Variants in KANK2 observed in about 807,000 individuals in gnomAD.
The protein encoded by KANK2 is KN motif and ankyrin repeat domain-containing protein 2.
A neutral mutation model predicts 74.6 loss-of-function variants in KANK2; 41 were observed. The observed-to-expected ratio is 0.55, with a 90% CI of 0.43 to 0.71. The LOEUF is 0.71. KANK2 is among the 30% of genes least tolerant of loss of function. KANK2 has a pLI of 0.00. For synonymous variants in KANK2, 537 were observed against 519.0 expected (o/e 1.03, Z -0.47); for missense variants, 1,148 against 1,196.4 (o/e 0.96, Z 0.60).
intron 4 of KANK2, among the ~76,000 whole-genome samples, chr19:11,189,127 T>C (rs958705996): frequency 2.8e-5 from 3 of 106,960 alleles, no homozygotes; most frequent in Admixed American, 1.5e-4. Context: ...ACAAGATTGG[T>C]CTTGCTCAGG....
At chr19:11,167,754 C>T (rs967448873) in intron 12 of KANK2, among the ~76,000 whole-genome samples, 4 of 151,972 alleles carry the variant, frequency 2.6e-5, no homozygotes, top group Non-Finnish European at 5.9e-5. Flanking sequence ...TCTCGAACTC[C>T]TGACCTCAGG....
intron 1 of KANK2, chr19:11,196,608 T>G (rs1019979977): frequency 2.6e-5 from 4 of 152,180 alleles, no homozygotes; most frequent in African/African-American, 9.7e-5. Flanking sequence ...GACTGAGGTC[T>G]GAGGGTACTC....
intron 4 of KANK2, chr19:11,192,601 A>C: frequency 2.1e-6 from 1 of 473,904 alleles, no homozygotes; most frequent in East Asian, 4.6e-5. Context: ...ACACCTGGCT[A>C]ATTTTTGTAT....
intron 3 of KANK2, 58 bp from the exon 4 acceptor site, chr19:11,194,100 A>G (rs2078946171): frequency 9.9e-6 from 15 of 1,518,418 alleles, no homozygotes; most frequent in African/African-American, 1.4e-5. Context: ...TCTCAGGGTG[A>G]AGACTGATGC....
intron 4 of KANK2, among the ~76,000 whole-genome samples, chr19:11,187,170 T>C (rs755466540): frequency 1.3e-5 from 2 of 151,750 alleles, no homozygotes; most frequent in African/African-American, 4.8e-5. Context: ...GGCAGGAGAA[T>C]TGCTTGAACC....
At chr19:11,176,875 A>G (rs1600811839) in intron 6 of KANK2, 58 bp from the exon 7 acceptor site, 6 of 1,481,768 alleles carry the variant, frequency 4.0e-6, no homozygotes, top group Non-Finnish European at 5.4e-6. Flanking sequence ...AAATGGTGGG[A>G]AAGGAAGGCA....
At chr19:11,190,000 T>C (rs377539154) in intron 4 of KANK2, among the ~76,000 whole-genome samples, 4 of 152,176 alleles carry the variant, frequency 2.6e-5, no homozygotes, top group African/African-American at 9.7e-5. Context: ...GCTGGGTCCC[T>C]GCCCTCCAGC....
chr19:11,173,584 C>A (rs2078240309), intron 9 of KANK2, among the ~76,000 whole-genome samples: 1 of 152,200 alleles, frequency 6.6e-6, no homozygotes, highest in Admixed American at 6.5e-5. Context: ...GACCAGGGCT[C>A]CAGAGATGTC....
chr19:11,171,530 T>G (rs2078172503), intron 10 of KANK2, among the ~76,000 whole-genome samples: 1 of 148,098 alleles, frequency 6.8e-6, no homozygotes, highest in Non-Finnish European at 1.5e-5. Context: ...TTCACCTTCT[T>G]TTTTTTTTTA....
chr19:11,174,811 A>C, intron 8 of KANK2, 119 bp from the exon 9 acceptor site: 1 of 753,662 alleles, frequency 1.3e-6, no homozygotes, highest in Non-Finnish European at 2.2e-6. Flanking sequence ...AACGATCTCA[A>C]GGGAAGTGCA....
intron 4 of KANK2, among the ~76,000 whole-genome samples, chr19:11,183,050 A>C (rs1174737769): frequency 6.6e-6 from 1 of 152,120 alleles, no homozygotes; most frequent in African/African-American, 2.4e-5. Flanking sequence ...CCCACTGGGG[A>C]ATGGGGCCAA....
At chr19:11,191,197 C>T (rs2078834749) in intron 4 of KANK2, among the ~76,000 whole-genome samples, 1 of 151,852 alleles carries the variant, frequency 6.6e-6, no homozygotes, top group Non-Finnish European at 1.5e-5. Flanking sequence ...TGCGCCACCA[C>T]GCCCGGCTAA....
intron 4 of KANK2, among the ~76,000 whole-genome samples, chr19:11,191,190 G>A (rs10426989): frequency 0.02 from 3,012 of 151,546 alleles, 92 homozygotes; most frequent in African/African-American, 0.068. Flanking sequence ...ACAGGTGTGC[G>A]CCACCACGCC....
intron 4 of KANK2, among the ~76,000 whole-genome samples, chr19:11,188,787 G>A (rs1361124278): frequency 6.6e-6 from 1 of 151,860 alleles, no homozygotes; most frequent in African/African-American, 2.4e-5. Flanking sequence ...TTCAAGACCA[G>A]CCTGGCCAAC....
At chr19:11,192,624 T>C in intron 4 of KANK2, 1 of 567,496 alleles carries the variant, frequency 1.8e-6, no homozygotes, top group South Asian at 1.7e-5. Flanking sequence ...TTAGTAGAGA[T>C]GGGTTTCACC....
At position 11,195,831 on chromosome 19, in the gene KANK2, T is replaced by C. The variant is rs945898980; in HGVS notation, c.-278-11A>G. 2 of 152,138 alleles carry C rather than the reference T, an allele frequency of 1.3e-5. No individual in the cohort carries two copies. The highest frequency in any genetic ancestry group is 4.8e-5 in the African/African-American group (2 of 41,386). The allele number at this position is 152,138 out of a possible 1,614,324, so 9.4% of individuals were successfully genotyped here. On this transcript the variant is annotated splice_polypyrimidine_tract_variant and intron_variant, in intron 1 of 12. Transcript: ENST00000586659. Reference sequence around the variant, plus strand: ...TCTGTCTTTCAACACCTGGAACACATGGTCACCAATTGCAGGAAATTCCGT... The same window carrying C: ...TCTGTCTTTCAACACCTGGAACACACGGTCACCAATTGCAGGAAATTCCGT...
intron 12 of KANK2, 127 bp downstream of exon 12, chr19:11,169,750 C>G: frequency 1.3e-6 from 1 of 755,270 alleles, no homozygotes; most frequent in Non-Finnish European, 2.2e-6. Context: ...GCAATGAGCC[C>G]AGATCGTGCC....
At position 11,168,910 on chromosome 19, in the gene KANK2, C is replaced by T. The variant is rs370913047; in HGVS notation, c.2502+967G>A. 1.2e-3 allele frequency among the ~76,000 whole-genome samples: 187 copies of T among 152,278 alleles called. 5 individuals carry two copies. The South Asian group carries it at 0.037, about 30-fold the overall frequency. ...GCACAATCAGCTCTTCATAAACATC[C>T]GTCTCCTCTGGCCAGGCACAGTGGC... On this transcript the variant is annotated intron_variant, in intron 12 of 12. Transcript: ENST00000586659.
intron 4 of KANK2, among the ~76,000 whole-genome samples, chr19:11,187,633 G>A (rs1366609679): frequency 6.6e-6 from 1 of 152,056 alleles, no homozygotes; most frequent in Non-Finnish European, 1.5e-5. Context: ...GAAATTTCAG[G>A]GTCCTGCAAA....
Sources: gnomAD v4.1 joint callset for allele counts (sites outside exome capture counted in the v4.1 genomes callset) on GRCh38, gnomAD v4.1.1 for gene constraint, MANE v1.5 for transcripts, NCBI Gene and HGNC (gene_info 2026-07-23, HGNC 2026-07-21) for gene names.